ODAD2: variants seen among roughly 807,000 people sequenced by gnomAD.
ODAD2 encodes the protein outer dynein arm docking complex subunit 2.
In ODAD2, 89 loss-of-function variants were observed where a neutral mutation model predicts 106.8. The ratio of observed to expected loss-of-function variants is 0.83; its 90% CI spans 0.70 to 0.99. The LOEUF (loss-of-function observed/expected upper bound fraction) is 0.99. Ranked by LOEUF, ODAD2 falls within the 50% of genes least tolerant of loss-of-function variation. The pLI is 0.00. For synonymous variants in ODAD2, 404 were observed against 436.2 expected, an observed-to-expected ratio of 0.93 and a Z score of 0.92; for missense variants, 1,168 against 1,238.5, an observed-to-expected ratio of 0.94 and a Z score of 0.85.
At chr10:27,935,643 T>C (rs1479941651) in intron 15 of ODAD2, among the ~76,000 whole-genome samples, 5 of 151,996 alleles carry the variant, frequency 3.3e-5, no homozygotes, top group African/African-American at 4.8e-5. Flanking sequence ...CATGGCTCTA[T>C]TGTACCTATT....
chr10:27,977,576 A>G (rs866737709), intron 7 of ODAD2, among the ~76,000 whole-genome samples: 12 of 152,162 alleles, frequency 7.9e-5, no homozygotes, highest in African/African-American at 2.9e-4. Context: ...GTCTCAAAAG[A>G]AAAAACAGAA....
rs1241714445 is a variant in ODAD2, at chr10:27,993,986, G to A, written c.224+933C>T. On this transcript the variant is annotated intron_variant, in intron 2 of 19. Coordinates refer to ENST00000305242, the MANE Select transcript of ODAD2 (RefSeq NM_018076.5). Reference sequence around the variant, plus strand: ...TATATATATATATATGTGTGTGTGTGTGTGTGTGTGTGTGTGTGTGTGTAT... The same window carrying A: ...TATATATATATATATGTGTGTGTGTATGTGTGTGTGTGTGTGTGTGTGTAT... 8.8e-4 allele frequency among the ~76,000 whole-genome samples: 131 copies of A among 149,506 alleles called. 3 individuals carry two copies. In the East Asian group the frequency reaches 0.02, roughly 23 times the overall value.
chr10:27,962,562 A>ATAATCAGG (rs1404075606), intron 9 of ODAD2, among the ~76,000 whole-genome samples: 3 of 152,376 alleles, frequency 2.0e-5, no homozygotes, highest in Non-Finnish European at 2.9e-5. Context: ...TAACATGAAC[A>ATAATCAGG]TAATCAGGTT....
chr10:27,868,954 C>A (rs530960279), intron 17 of ODAD2, among the ~76,000 whole-genome samples: 1 of 151,778 alleles, frequency 6.6e-6, no homozygotes, highest in East Asian at 1.9e-4. Flanking sequence ...GACATGCCTA[C>A]AAAACAGATG....
At chr10:27,841,105 G>T (rs1838274092) in intron 19 of ODAD2, among the ~76,000 whole-genome samples, 1 of 152,134 alleles carries the variant, frequency 6.6e-6, no homozygotes, top group African/African-American at 2.4e-5. Context: ...TTGACTATTT[G>T]CTAGTGTAAT....
chr10:27,813,890 G>C (rs1835927255), intron 19 of ODAD2, among the ~76,000 whole-genome samples: 1 of 152,144 alleles, frequency 6.6e-6, no homozygotes, highest in South Asian at 2.1e-4. Context: ...AGGATAGTGA[G>C]GAAGGAACAA....
At chr10:27,951,592 T>G (rs1847329487) in intron 10 of ODAD2, among the ~76,000 whole-genome samples, 1 of 150,860 alleles carries the variant, frequency 6.6e-6, no homozygotes, top group Non-Finnish European at 1.5e-5. Context: ...CTATTATACA[T>G]AAAGTGAATT....
chr10:27,947,088 C>A (rs769141195), intron 10 of ODAD2, among the ~76,000 whole-genome samples: 8 of 152,274 alleles, frequency 5.3e-5, no homozygotes, highest in Non-Finnish European at 8.8e-5. Flanking sequence ...GTTCTTACAG[C>A]TTTTAGTATC....
intron 17 of ODAD2, among the ~76,000 whole-genome samples, chr10:27,873,040 A>G (rs1252601799): frequency 1.5e-5 from 2 of 136,740 alleles, no homozygotes; most frequent in East Asian, 2.1e-4. Context: ...CAGAGCAACA[A>G]TTGGTCTATT....
intron 17 of ODAD2, among the ~76,000 whole-genome samples, chr10:27,874,945 A>AC (rs1481162159): frequency 6.6e-6 from 1 of 152,134 alleles, no homozygotes; most frequent in African/African-American, 2.4e-5. Flanking sequence ...TATCCTGCAG[A>AC]GTGTTTTCCA....
intron 17 of ODAD2, among the ~76,000 whole-genome samples, chr10:27,904,023 G>C (rs770684381): frequency 6.6e-6 from 1 of 152,066 alleles, no homozygotes; most frequent in Non-Finnish European, 1.5e-5. Flanking sequence ...TGCCAAAAAG[G>C]GTATATGCAG....
At chr10:27,903,548 A>AC (rs34859035) in intron 17 of ODAD2, among the ~76,000 whole-genome samples, 100,624 of 151,900 alleles carry the variant, frequency 0.66, 33,671 homozygotes, top group Middle Eastern at 0.74. Context: ...TATTTAGAAA[A>AC]CCCATCGTCT....
rs765557199 is a variant in ODAD2, at chr10:27,812,630, C to A, written c.3022-5G>T. ...CCCAACCATATCCAGTAGAAGCTGTCACACATAAGGAGGAGAAGAAGGGAC... is the reference window on the plus strand; with the variant it reads ...CCCAACCATATCCAGTAGAAGCTGTAACACATAAGGAGGAGAAGAAGGGAC... On this transcript the variant is annotated splice_polypyrimidine_tract_variant and splice_region_variant and intron_variant, in intron 19 of 19. Transcript: ENST00000305242. 2.5e-6 allele frequency: 4 copies of A among 1,583,102 alleles called. No homozygotes were observed. Among genetic ancestry groups the A allele is most frequent in the Non-Finnish European group, 3.4e-6 (4 of 1,170,714 alleles).
At chr10:27,825,611 G>A (rs1473476235) in intron 19 of ODAD2, among the ~76,000 whole-genome samples, 6 of 152,168 alleles carry the variant, frequency 3.9e-5, no homozygotes, top group Non-Finnish European at 5.9e-5. Context: ...TTGTCTTCAT[G>A]ACTAAGCTAT....
At chr10:27,981,713 G>A (rs1037207811) in intron 6 of ODAD2, 131 bp from the exon 7 acceptor site, 1 of 646,144 alleles carries the variant, frequency 1.5e-6, no homozygotes, top group Non-Finnish European at 2.6e-6. Flanking sequence ...TTTAATACAG[G>A]AAATGTATAG....
rs1480592467 is a variant in ODAD2 at position 27,938,031 on chromosome 10, C to T, written c.2098-1151G>A. Among the ~76,000 whole-genome samples the T allele has an allele frequency of 2.6e-5, 4 of 152,084 alleles. No homozygotes were observed. In the East Asian group the frequency reaches 5.8e-4, roughly 22 times the overall value. ...CAATCTCAGATCACTGCAACCTCTA[C>T]CTCGTGGGTTCAAGCAATTCTCGTG... On this transcript the variant is annotated intron_variant, in intron 14 of 19. Coordinates refer to ENST00000305242, the MANE Select transcript of ODAD2 (RefSeq NM_018076.5).
intron 12 of ODAD2, among the ~76,000 whole-genome samples, chr10:27,943,496 T>C (rs12780829): frequency 0.41 from 62,086 of 151,828 alleles, 13,409 homozygotes; most frequent in Middle Eastern, 0.6. Context: ...CTATTAAATA[T>C]ACTTTTCAGG....
intron 17 of ODAD2, among the ~76,000 whole-genome samples, chr10:27,870,132 T>G (rs1015002010): frequency 1.3e-5 from 2 of 152,132 alleles, no homozygotes; most frequent in African/African-American, 4.8e-5. Flanking sequence ...AAAAGGGCTG[T>G]CAATGTCTTA....
At chr10:27,908,838 A>G (rs1843782162) in intron 16 of ODAD2, among the ~76,000 whole-genome samples, 1 of 152,174 alleles carries the variant, frequency 6.6e-6, no homozygotes, top group South Asian at 2.1e-4. Flanking sequence ...GACGCTGAAA[A>G]AGAGCATTGA....
Sources: gnomAD v4.1 joint callset for allele counts (sites outside exome capture counted in the v4.1 genomes callset) on GRCh38, gnomAD v4.1.1 for gene constraint, MANE v1.5 for transcripts, NCBI Gene and HGNC (gene_info 2026-07-23, HGNC 2026-07-21) for gene names.